Variants in DARS1 observed in about 807,000 individuals in gnomAD.
DARS1 encodes aspartyl-tRNA synthetase 1.
Under a neutral mutation model 68.8 loss-of-function variants are expected in DARS1, and 51 were observed. That is an observed-to-expected ratio of 0.74 (90% confidence interval 0.59 to 0.94). The LOEUF is 0.94. Ranked by LOEUF, DARS1 falls within the 40% of genes least tolerant of loss-of-function variation. The pLI, the probability that DARS1 is intolerant of heterozygous loss-of-function variation, is 0.00. For synonymous variants in DARS1, 203 were observed against 190.4 expected, an observed-to-expected ratio of 1.07 and a Z score of -0.55; for missense variants, 607 against 597.3, an observed-to-expected ratio of 1.02 and a Z score of -0.17.
At chr2:135,954,114 G>C (rs776276566) in intron 4 of DARS1, among the ~76,000 whole-genome samples, 1 of 151,290 alleles carries the variant, frequency 6.6e-6, no homozygotes, top group Middle Eastern at 3.4e-3. Flanking sequence ...TAATACCTTG[G>C]GAGCAGTGTC....
chr2:135,924,557 C>G, intron 7 of DARS1, 59 bp from the exon 8 acceptor site: 1 of 1,560,202 alleles, frequency 6.4e-7, no homozygotes, highest in Non-Finnish European at 8.6e-7. Flanking sequence ...AGCACTAACT[C>G]TGTGGGCTAG....
At chr2:135,955,783 T>C (rs1681959613) in intron 4 of DARS1, among the ~76,000 whole-genome samples, 2 of 142,580 alleles carry the variant, frequency 1.4e-5, no homozygotes, top group Admixed American at 1.5e-4. Context: ...GCCTCCCAGG[T>C]AGCTGGGGAC....
chr2:135,946,157 C>T (rs1201095070), intron 4 of DARS1, among the ~76,000 whole-genome samples: 3 of 152,184 alleles, frequency 2.0e-5, no homozygotes, highest in Admixed American at 6.5e-5. Context: ...GGAATACTTG[C>T]GTACATTACT....
intron 5 of DARS1, 149 bp downstream of exon 5, chr2:135,943,229 T>C (rs769816045): frequency 3.5e-6 from 4 of 1,148,726 alleles, no homozygotes; most frequent in Non-Finnish European, 4.7e-6. Flanking sequence ...TGGGGTGATT[T>C]GTTATATAAC....
rs575059984 is a variant in DARS1, at chr2:135,984,344, G to A, written c.67-890C>T. On this transcript the variant is annotated intron_variant, in intron 1 of 15. Coordinates refer to ENST00000264161, the MANE Select transcript of DARS1 (RefSeq NM_001349.4). Reference sequence around the variant, plus strand: ...AAATAATTGCCCTAGTTTTTACAAGGTAACTTAAGATCTGTATGAAACAAT... The same window carrying A: ...AAATAATTGCCCTAGTTTTTACAAGATAACTTAAGATCTGTATGAAACAAT... Among the ~76,000 whole-genome samples the A allele has an allele frequency of 4.6e-5, 7 of 152,300 alleles. No individual in the cohort carries two copies. The East Asian group carries it at 9.6e-4, about 21-fold the overall frequency.
intron 7 of DARS1, among the ~76,000 whole-genome samples, chr2:135,930,899 G>A (rs73957071): frequency 3.3e-5 from 5 of 152,266 alleles, no homozygotes; most frequent in Non-Finnish European, 5.9e-5. Flanking sequence ...CTAATTTGCC[G>A]TGCCAATCTG....
intron 10 of DARS1, among the ~76,000 whole-genome samples, chr2:135,918,636 A>C (rs2104798665): frequency 6.6e-6 from 1 of 152,350 alleles, no homozygotes; most frequent in East Asian, 1.9e-4. Flanking sequence ...GATTAATCCC[A>C]AGGACTCAAA....
At position 135,985,610 on chromosome 2, in the gene DARS1, T is replaced by A. The variant is rs977320874; in HGVS notation, c.-142A>T. On this transcript the variant is annotated 5_prime_UTR_variant, in exon 1 of 16. Coordinates refer to ENST00000264161, the MANE Select transcript of DARS1 (RefSeq NM_001349.4). ...CACGCGCTCGGACTCCGCGTGGAGG[T>A]GCGGCTCCAGAAAGATCGCGAGAGC... 4.0e-5 allele frequency: 61 copies of A among 1,513,786 alleles called. No individual in the cohort carries two copies. The highest frequency in any genetic ancestry group is 5.3e-5 in the Non-Finnish European group (60 of 1,124,920). 93.8% of individuals were successfully genotyped at this position (1,513,786 alleles called of 1,614,324 possible).
At chr2:135,961,068 G>C (rs1424167912) in intron 4 of DARS1, among the ~76,000 whole-genome samples, 1 of 152,004 alleles carries the variant, frequency 6.6e-6, no homozygotes, top group Non-Finnish European at 1.5e-5. Flanking sequence ...AGGGAAGGAG[G>C]GAGGAAATGA....
intron 4 of DARS1, among the ~76,000 whole-genome samples, chr2:135,955,668 A>T (rs1267142543): frequency 2.0e-5 from 3 of 147,780 alleles, no homozygotes; most frequent in African/African-American, 7.7e-5. Flanking sequence ...TTTGAAAATA[A>T]AAATCTTTTT....
chr2:135,951,792 T>C (rs569148551), intron 4 of DARS1, among the ~76,000 whole-genome samples: 53 of 152,336 alleles, frequency 3.5e-4, no homozygotes, highest in African/African-American at 1.3e-3. Flanking sequence ...ACACTGTTCC[T>C]TCCATCACTT....
At chr2:135,956,766 T>C (rs989863032) in intron 4 of DARS1, among the ~76,000 whole-genome samples, 5 of 152,212 alleles carry the variant, frequency 3.3e-5, no homozygotes, top group African/African-American at 1.2e-4. Context: ...TGATAACTTA[T>C]TTATTTATTT....
intron 8 of DARS1, among the ~76,000 whole-genome samples, chr2:135,924,081 C>T (rs1044533137): frequency 1.3e-5 from 2 of 152,138 alleles, no homozygotes; most frequent in Non-Finnish European, 2.9e-5. Flanking sequence ...ATACTAATTT[C>T]AAAAGAAATC....
chr2:135,919,031 T>C (rs1681058966), intron 10 of DARS1, among the ~76,000 whole-genome samples: 1 of 152,212 alleles, frequency 6.6e-6, no homozygotes, highest in Admixed American at 6.5e-5. Flanking sequence ...GATTGATTTC[T>C]ACATTCTATT....
At chr2:135,963,544 G>A (rs1048582622) in intron 3 of DARS1, among the ~76,000 whole-genome samples, 1 of 151,938 alleles carries the variant, frequency 6.6e-6, no homozygotes, top group Non-Finnish European at 1.5e-5. Context: ...GCTAATTTTT[G>A]TATTTTTAGC....
intron 3 of DARS1, among the ~76,000 whole-genome samples, chr2:135,965,235 G>A (rs1333473184): frequency 6.6e-6 from 1 of 152,064 alleles, no homozygotes; most frequent in Non-Finnish European, 1.5e-5. Flanking sequence ...CTAAGTTTAA[G>A]AATGAAAGAA....
chr2:135,969,351 G>T (rs907385980), intron 3 of DARS1, among the ~76,000 whole-genome samples: 2 of 151,606 alleles, frequency 1.3e-5, no homozygotes, highest in African/African-American at 4.8e-5. Context: ...ATAAAGATTT[G>T]GAAAGACACA....
chr2:135,961,587 G>A, intron 3 of DARS1, 89 bp from the exon 4 acceptor site: 3 of 793,086 alleles, frequency 3.8e-6, no homozygotes, highest in South Asian at 1.4e-5. Flanking sequence ...TTTAAAAGTG[G>A]GCCAAAATTT....
At chr2:135,965,368 G>A (rs1172637956) in intron 3 of DARS1, among the ~76,000 whole-genome samples, 1 of 151,888 alleles carries the variant, frequency 6.6e-6, no homozygotes, top group Non-Finnish European at 1.5e-5. Flanking sequence ...TATGAGAAAA[G>A]AACACTGAGA....
Sources: gnomAD v4.1 joint callset for allele counts (sites outside exome capture counted in the v4.1 genomes callset) on GRCh38, gnomAD v4.1.1 for gene constraint, MANE v1.5 for transcripts, NCBI Gene and HGNC (gene_info 2026-07-23, HGNC 2026-07-21) for gene names.